GRK1: variants seen among roughly 807,000 people sequenced by gnomAD.
The protein encoded by GRK1 is G protein-coupled receptor kinase 1, also known as rhodopsin kinase GRK1.
GRK1 carries 28 observed loss-of-function variants against 41.7 expected under a neutral mutation model. The ratio of observed to expected loss-of-function variants is 0.67; its 90% CI spans 0.50 to 0.92. GRK1 has a LOEUF of 0.92. Among genes scored for constraint, GRK1 ranks in the 40% least tolerant of loss-of-function variants. The probability of loss-of-function intolerance (pLI) is 0.00; values close to 1 mark genes in which losing one functional copy is unlikely to be tolerated. For missense variants in GRK1, 703 were observed against 671.2 expected (o/e 1.05, Z -0.52); for synonymous variants, 327 against 286.7 (o/e 1.14, Z -1.42).
chr13:113,672,056 T>A (rs1020999451), intron 3 of GRK1, among the ~76,000 whole-genome samples: 1,737 of 152,018 alleles, frequency 0.011, 35 homozygotes, highest in African/African-American at 0.04. Context: ...GGTGGGAGGA[T>A]CTCGGTGGGC....
Position 113,667,952 on chromosome 13 carries a change from G to A in GRK1, c.566G>A (p.Trp189Ter). 1 of 1,610,280 alleles carries A rather than the reference G, an allele frequency of 6.2e-7. No individual in the cohort carries two copies. Among genetic ancestry groups the A allele is most frequent in the South Asian group, 1.1e-5 (1 of 90,458 alleles). Residue 189 changes from tryptophan to a stop codon, truncating the protein, a stop_gained, in exon 1 of 7, where the codon TGG becomes TAG. Transcript: ENST00000335678. LOFTEE classifies it high-confidence loss of function. The surrounding 1 kb of genome is among the most constrained non-coding windows in gnomAD (Gnocchi z 7.5). ...WLEAQPMGED[W>*]FLDFRVLGKG... ...GAAGCCCAGCCCATGGGGGAGGACT[G>A]GTTCCTGGACTTCAGGGTCCTAGGG...
the GRK1 span, chr13:113,655,083 C>T: frequency 8.5e-7 from 1 of 1,177,370 alleles, no homozygotes; most frequent in Non-Finnish European, 1.2e-6. Context: ...AAAACAGAAA[C>T]CCCGTCCCCA....
intron 6 of GRK1, among the ~76,000 whole-genome samples, chr13:113,733,959 CGTGTGTGTGCGT>C (rs1204826600): frequency 9.6e-6 from 1 of 104,512 alleles, no homozygotes; most frequent in East Asian, 2.6e-4. Flanking sequence ...TGTGTGCATA[CGTGTGTGTGCGT>C]GTGTGCGCAT....
chr13:113,723,880 A>ATGCCCGTGTCTGTG (rs2140722660), intron 4 of GRK1, among the ~76,000 whole-genome samples: 2 of 114,486 alleles, frequency 1.7e-5, no homozygotes, highest in Admixed American at 7.9e-5. Context: ...GTGTCTGTGC[A>ATGCCCGTGTCTGTG]CACACGTGTC....
chr13:113,672,449 G>A (rs913164079), intron 3 of GRK1, among the ~76,000 whole-genome samples: 1,073 of 151,480 alleles, frequency 7.1e-3, no homozygotes, highest in African/African-American at 0.024. Context: ...TGGTATGTGT[G>A]GTATTGTGTG....
At chr13:113,668,737 G>A (rs376296967) in intron 1 of GRK1, among the ~76,000 whole-genome samples, 12 of 152,366 alleles carry the variant, frequency 7.9e-5, no homozygotes, top group East Asian at 3.9e-4. Context: ...CGGCTGTGCC[G>A]GGTGTGGACG....
upstream of GRK1, among the ~76,000 whole-genome samples, chr13:113,664,806 C>G (rs186115644): frequency 6.6e-6 from 1 of 152,188 alleles, no homozygotes; most frequent in Non-Finnish European, 1.5e-5. This position sits in a 1 kb window ranked among gnomAD's most constrained non-coding sequence, Gnocchi z 5.4. Flanking sequence ...GGACAGGCAG[C>G]GAGACGTCAG....
At chr13:113,651,713 G>A in the GRK1 span, 4 of 1,613,886 alleles carry the variant, frequency 2.5e-6, no homozygotes, top group Non-Finnish European at 3.4e-6. Flanking sequence ...CGTTGCTGGG[G>A]AGGAACTTGA....
In GRK1 at chr13:113,737,476, C is replaced by A. The variant is rs566624178; in HGVS notation, c.*2113C>A. The A allele has an allele frequency of 6.9e-6, 1 of 145,290 alleles. No homozygotes were observed. The highest frequency in any genetic ancestry group is 6.9e-5 in the Admixed American group (1 of 14,492). The allele number at this position is 145,290 out of a possible 1,614,324, so 9.0% of individuals were successfully genotyped here. A position where few individuals can be genotyped will look rare whatever the true frequency, so the allele number is the denominator to read the frequency against. ...GCATGTCTTCCCATAGATCCCACGT[C>A]GGCCACACCCTGGGTGAGGAGCACG... On this transcript the variant is annotated 3_prime_UTR_variant, in exon 7 of 7. Transcript: ENST00000335678.
At position 113,733,083 on chromosome 13, in the gene GRK1, C is replaced by T; in HGVS notation, c.1394C>T (p.Ala465Val). 3 of 1,535,756 alleles carry T rather than the reference C, an allele frequency of 2.0e-6. No homozygotes were observed. Among genetic ancestry groups the T allele is most frequent in the Non-Finnish European group, 2.6e-6 (3 of 1,146,366 alleles). ...FKDLNWRQLEAGMLMPPFIPD... is the reference protein window; with the variant it reads ...FKDLNWRQLEVGMLMPPFIPD... ...GACCTTAACTGGAGGCAGCTGGAGGCTGGTACTGTTGGACGCCTCAGCCCC... is the reference window on the plus strand; with the variant it reads ...GACCTTAACTGGAGGCAGCTGGAGGTTGGTACTGTTGGACGCCTCAGCCCC... Residue 465 changes from alanine to valine, a missense_variant and splice_region_variant, in exon 6 of 7, where the codon GCT becomes GTT. Physicochemically the swap from Ala to Val is moderately conservative, Grantham distance 64. Transcript: ENST00000335678.
chr13:113,733,740 TGTGCATACATGTGTGTGC>T (rs2049964874), intron 6 of GRK1, among the ~76,000 whole-genome samples: 5 of 147,650 alleles, frequency 3.4e-5, no homozygotes, highest in African/African-American at 1.0e-4. Flanking sequence ...CGTGTGTATG[TGTGCATACATGTGTGTGC>T]GTGTGTATGT....
chr13:113,732,103 A>G (rs577889466), intron 5 of GRK1, among the ~76,000 whole-genome samples: 21 of 152,128 alleles, frequency 1.4e-4, no homozygotes, highest in Admixed American at 8.5e-4. Flanking sequence ...GCTGACTCAG[A>G]GCTCAGGGCT....
At chr13:113,649,773 C>T in the GRK1 span, among the ~76,000 whole-genome samples, 2 of 152,182 alleles carry the variant, frequency 1.3e-5, no homozygotes, top group African/African-American at 4.8e-5. The surrounding 1 kb of genome is among the most constrained non-coding windows in gnomAD (Gnocchi z 4.7). Context: ...GCTTCAAACT[C>T]TTACGATGAT....
chr13:113,654,852 G>T, the GRK1 span: 1 of 1,614,106 alleles, frequency 6.2e-7, no homozygotes, highest in Non-Finnish European at 8.5e-7. Flanking sequence ...CGGTGTGTAC[G>T]GGTCCACTGT....
chr13:113,668,793 TG>T (rs906947838), intron 1 of GRK1, among the ~76,000 whole-genome samples: 1 of 152,232 alleles, frequency 6.6e-6, no homozygotes, highest in Admixed American at 6.5e-5. Context: ...ACGTGGCTCC[TG>T]GCCCCTCTCC....
chr13:113,652,589 G>A, the GRK1 span: 1 of 489,874 alleles, frequency 2.0e-6, no homozygotes, highest in Admixed American at 3.1e-5. Context: ...ATCTCTGGCT[G>A]CCCTGAAGGG....
chr13:113,654,722 G>C, the GRK1 span: 1 of 1,493,964 alleles, frequency 6.7e-7, no homozygotes, highest in South Asian at 1.3e-5. Context: ...TTCATTTCTG[G>C]GGAGGGCACG....
chr13:113,733,945 C>CGCATACGTGTGTAT (rs2049976972), intron 6 of GRK1, among the ~76,000 whole-genome samples: 1 of 80,322 alleles, frequency 1.2e-5, no homozygotes, highest in African/African-American at 5.7e-5. Context: ...TACGTGTGTG[C>CGCATACGTGTGTAT]GTGTGTGTGC....
rs185409102 is a variant in GRK1 at position 113,735,695 on chromosome 13, C to A, written c.*332C>A. ...CCTCCTGCATTGGTGATTGACCAACCGTGTGGTCAGGGGCAGAGACTCGGT... is the reference window on the plus strand; with the variant it reads ...CCTCCTGCATTGGTGATTGACCAACAGTGTGGTCAGGGGCAGAGACTCGGT... On this transcript the variant is annotated 3_prime_UTR_variant, in exon 7 of 7. Transcript: ENST00000335678. The A allele has an allele frequency of 4.5e-6, 1 of 222,320 alleles. No individual in the cohort carries two copies. The highest frequency in any genetic ancestry group is 8.8e-6 in the Non-Finnish European group (1 of 113,970). The allele number at this position is 222,320 out of a possible 1,614,324, so 13.8% of individuals were successfully genotyped here.
Sources: allele counts gnomAD v4.1 joint callset (sites outside exome capture counted in the v4.1 genomes callset), GRCh38; gene constraint gnomAD v4.1.1; non-coding constraint Gnocchi (gnomAD v3.1); transcripts MANE v1.5; gene names NCBI Gene and HGNC (gene_info 2026-07-23, HGNC 2026-07-21).